Variants in NR5A2 observed in about 807,000 individuals in gnomAD.
NR5A2 encodes the protein nuclear receptor subfamily 5 group A member 2.
In NR5A2, 26 loss-of-function variants were observed where a neutral mutation model predicts 62.7. The ratio of observed to expected loss-of-function variants is 0.41; its 90% CI spans 0.30 to 0.58. The LOEUF (loss-of-function observed/expected upper bound fraction) is 0.58, where lower values mean the gene tolerates loss of function less well. Ranked by LOEUF, NR5A2 falls within the 20% of genes least tolerant of loss-of-function variation. NR5A2 has a pLI of 0.22. For missense variants in NR5A2, 541 were observed against 669.1 expected (o/e 0.81, Z 2.11); for synonymous variants, 246 against 241.7 (o/e 1.02, Z -0.16).
chr1:200,127,693 AAAAAAAAAAAAAAAAAATAT>A (rs1286117834), intron 7 of NR5A2, among the ~76,000 whole-genome samples: 1 of 74,596 alleles, frequency 1.3e-5, no homozygotes, highest in African/African-American at 4.6e-5. Flanking sequence ...AAAAAAAAAA[AAAAAAAAAAAAAAAAAATAT>A]ATATATATAT....
intron 5 of NR5A2, among the ~76,000 whole-genome samples, chr1:200,092,604 G>A (rs1301485030): frequency 1.3e-5 from 2 of 152,046 alleles, no homozygotes; most frequent in African/African-American, 4.8e-5. Flanking sequence ...TCTAGCTGGG[G>A]TGCCATCCAG....
intron 6 of NR5A2, among the ~76,000 whole-genome samples, chr1:200,114,187 A>C (rs113419967): frequency 5.0e-5 from 6 of 118,832 alleles, no homozygotes; most frequent in Admixed American, 4.3e-4. Flanking sequence ...CATCTCAAAA[A>C]AAATAATAGA....
chr1:200,142,356 C>T (rs1412761482), intron 7 of NR5A2, among the ~76,000 whole-genome samples: 1 of 151,456 alleles, frequency 6.6e-6, no homozygotes, highest in East Asian at 1.9e-4. Context: ...CCTGCCACCA[C>T]GCCCGGCTAA....
At chr1:200,135,643 A>G (rs1469878113) in intron 7 of NR5A2, among the ~76,000 whole-genome samples, 1 of 152,194 alleles carries the variant, frequency 6.6e-6, no homozygotes, top group African/African-American at 2.4e-5. Context: ...GCAAACTTGA[A>G]TTCAGATTCT....
chr1:200,079,329 G>T (rs1213749944), intron 5 of NR5A2, among the ~76,000 whole-genome samples: 5 of 152,206 alleles, frequency 3.3e-5, no homozygotes, highest in African/African-American at 7.2e-5. Flanking sequence ...GCCAGTGGCA[G>T]AGATTTGTAA....
chr1:200,071,417 G>T (rs1366035303), intron 5 of NR5A2, among the ~76,000 whole-genome samples: 3 of 152,046 alleles, frequency 2.0e-5, no homozygotes, highest in Non-Finnish European at 4.4e-5. Flanking sequence ...CAACTTTATC[G>T]AAACAAAACC....
At chr1:200,033,710 G>T (rs886673346) in intron 1 of NR5A2, among the ~76,000 whole-genome samples, 2 of 152,182 alleles carry the variant, frequency 1.3e-5, no homozygotes. Context: ...ACACCATCTC[G>T]TAATCGCGAA....
rs916658380 is a variant in NR5A2 at position 200,052,754 on chromosome 1, G to A, written c.1110+3936G>A. On this transcript the variant is annotated intron_variant, in intron 5 of 7. Transcript: ENST00000367362. Reference sequence around the variant, plus strand: ...CCTCTTGGGTTCACGCCATTCTCCTGCCTCAGCCTCCTGAGTAGCTGGGAC... The same window carrying A: ...CCTCTTGGGTTCACGCCATTCTCCTACCTCAGCCTCCTGAGTAGCTGGGAC... Among the ~76,000 whole-genome samples, 4 of 151,822 alleles carry A rather than the reference G, an allele frequency of 2.6e-5. No homozygotes were observed. The East Asian group carries it at 5.8e-4, about 22-fold the overall frequency.
At chr1:200,123,809 T>TC (rs1444544299) in intron 7 of NR5A2, among the ~76,000 whole-genome samples, 1 of 151,318 alleles carries the variant, frequency 6.6e-6, no homozygotes, top group Non-Finnish European at 1.5e-5. Context: ...AGAGGTGGTT[T>TC]TTTTTTTTTG....
At chr1:200,114,233 T>TATATACAC (rs1553274029) in intron 6 of NR5A2, among the ~76,000 whole-genome samples, 13 of 106,118 alleles carry the variant, frequency 1.2e-4, no homozygotes, top group Non-Finnish European at 1.7e-4. Flanking sequence ...TATATATATA[T>TATATACAC]ACACACACAC....
intron 7 of NR5A2, 23 bp from the exon 8 acceptor site, chr1:200,173,940 T>G: frequency 2.5e-6 from 1 of 401,226 alleles, no homozygotes. Flanking sequence ...ATGTTGCTTT[T>G]TTTTTTTTTT....
chr1:200,152,149 C>T (rs1653158799), intron 7 of NR5A2, among the ~76,000 whole-genome samples: 1 of 152,150 alleles, frequency 6.6e-6, no homozygotes, highest in African/African-American at 2.4e-5. Flanking sequence ...GTGGGGGACT[C>T]TCAAGGCCTC....
At chr1:200,167,876 G>T (rs1345654997) in intron 7 of NR5A2, among the ~76,000 whole-genome samples, 1 of 152,002 alleles carries the variant, frequency 6.6e-6, no homozygotes, top group African/African-American at 2.4e-5. Flanking sequence ...AACTCCTCAG[G>T]TGTCACCTTC....
chr1:200,157,462 T>A (rs1481748812), intron 7 of NR5A2, among the ~76,000 whole-genome samples: 1 of 152,152 alleles, frequency 6.6e-6, no homozygotes, highest in Non-Finnish European at 1.5e-5. Context: ...TAATAAGATA[T>A]CTTACTATTA....
Position 200,042,375 on chromosome 1 carries a change from A to G in NR5A2, c.203-1399A>G, listed in dbSNP as rs538953212. 3.9e-5 allele frequency among the ~76,000 whole-genome samples: 6 copies of G among 152,296 alleles called. No homozygotes were observed. In the East Asian group the frequency reaches 7.7e-4, roughly 20 times the overall value. ...CCCTTTCCGACCGAAGAGCTCGGGA[A>G]CCAAAGAGAAAAAAAATAACTTTAT... On this transcript the variant is annotated intron_variant, in intron 2 of 7. Transcript: ENST00000367362.
intron 5 of NR5A2, among the ~76,000 whole-genome samples, chr1:200,064,812 C>T (rs1287096340): frequency 3.3e-5 from 5 of 151,952 alleles, no homozygotes; most frequent in Admixed American, 6.6e-5. Flanking sequence ...CTTTTATGTC[C>T]TTAGTTATTT....
Position 200,123,445 on chromosome 1 carries a change from G to A in NR5A2, c.1378+2490G>A, listed in dbSNP as rs139360899. On this transcript the variant is annotated intron_variant, in intron 7 of 7. Transcript: ENST00000367362. ...GAGGGAAGCAGCAGATGTGGCTGGA[G>A]ACATAGACAGGAGCCTGGACATGGA... 2.3e-3 allele frequency among the ~76,000 whole-genome samples: 350 copies of A among 152,304 alleles called. 4 individuals are homozygous for A. Among genetic ancestry groups the A allele is most frequent in the Middle Eastern group, 0.02 (6 of 294 alleles).
At chr1:200,054,058 A>C (rs1278503982) in intron 5 of NR5A2, 1 of 152,224 alleles carries the variant, frequency 6.6e-6, no homozygotes, top group Non-Finnish European at 1.5e-5. Context: ...AAAAGAATGC[A>C]GGGAGCTCAC....
At position 200,159,714 on chromosome 1, in the gene NR5A2, C is replaced by T. The variant is rs368145715; in HGVS notation, c.1379-14249C>T. 2.9e-3 allele frequency among the ~76,000 whole-genome samples: 433 copies of T among 151,802 alleles called. 1 individual carries two copies. Among genetic ancestry groups the T allele is most frequent in the African/African-American group, 9.9e-3 (411 of 41,394 alleles). On this transcript the variant is annotated intron_variant, in intron 7 of 7. Coordinates refer to ENST00000367362, the MANE Select transcript of NR5A2 (RefSeq NM_205860.3). ...TCCTCTAGGCTGGAGTGCAATGGTG[C>T]CATCTCGGCTCACTGCAACCTCCAC...
Sources: allele counts gnomAD v4.1 joint callset (sites outside exome capture counted in the v4.1 genomes callset), GRCh38; gene constraint gnomAD v4.1.1; transcripts MANE v1.5; gene names NCBI Gene and HGNC (gene_info 2026-07-23, HGNC 2026-07-21).